TPO: variants seen among roughly 807,000 people sequenced by gnomAD.
The protein encoded by TPO is thyroid microsomal antigen.
In TPO, 78 loss-of-function variants were observed where a neutral mutation model predicts 96.9. The ratio of observed to expected loss-of-function variants is 0.81; its 90% CI spans 0.67 to 0.97. The LOEUF (loss-of-function observed/expected upper bound fraction) is 0.97, where lower values mean the gene tolerates loss of function less well. Among genes scored for constraint, TPO ranks in the 50% least tolerant of loss-of-function variants. The probability of loss-of-function intolerance (pLI) is 0.00; values close to 1 mark genes in which losing one functional copy is unlikely to be tolerated. For synonymous variants in TPO, 547 were observed against 538.0 expected (o/e 1.02, Z -0.23); for missense variants, 1,252 against 1,274.8 (o/e 0.98, Z 0.27).
At chr2:1,506,982 T>C (rs1230592006) in intron 14 of TPO, among the ~76,000 whole-genome samples, 36 of 152,186 alleles carry the variant, frequency 2.4e-4, no homozygotes, top group Non-Finnish European at 2.9e-4. Flanking sequence ...TGAATGGTAT[T>C]GCCTAGGTTT....
At chr2:1,528,899 A>C (rs1318746447) in intron 15 of TPO, among the ~76,000 whole-genome samples, 1 of 138,402 alleles carries the variant, frequency 7.2e-6, no homozygotes, top group Non-Finnish European at 1.5e-5. Context: ...CACTGTGTGC[A>C]ACCTCCTCAC....
chr2:1,512,181 C>T (rs1274990160), intron 14 of TPO, among the ~76,000 whole-genome samples: 1 of 152,076 alleles, frequency 6.6e-6, no homozygotes, highest in Non-Finnish European at 1.5e-5. Context: ...CTACAGGCGC[C>T]CGCCACCACG....
chr2:1,512,445 C>T (rs937330423), intron 14 of TPO: 5 of 985,452 alleles, frequency 5.1e-6, no homozygotes, highest in African/African-American at 3.5e-5. Context: ...CCCGGACCAG[C>T]GCCCGTGCTC....
intron 3 of TPO, among the ~76,000 whole-genome samples, chr2:1,430,638 G>A (rs973813538): frequency 9.9e-5 from 15 of 152,258 alleles, no homozygotes; most frequent in African/African-American, 3.6e-4. Context: ...CATGAGAGCA[G>A]CCAGGTGGGC....
chr2:1,439,889 A>G (rs1665972017), intron 5 of TPO, among the ~76,000 whole-genome samples: 1 of 152,082 alleles, frequency 6.6e-6, no homozygotes, highest in Non-Finnish European at 1.5e-5. Flanking sequence ...CCCCAAAGGC[A>G]TGTGTGTGTC....
chr2:1,537,406 G>A (rs1680002123), intron 15 of TPO, among the ~76,000 whole-genome samples: 1 of 128,172 alleles, frequency 7.8e-6, no homozygotes, highest in East Asian at 2.4e-4. Flanking sequence ...CCCACTGTGA[G>A]CAACCTCCCC....
rs146369419 is a variant in TPO, at chr2:1,450,226, G to A, written c.483-3468G>A. 1.2e-4 allele frequency among the ~76,000 whole-genome samples: 19 copies of A among 152,326 alleles called. No homozygotes were observed. The East Asian group carries it at 2.9e-3, about 23-fold the overall frequency. ...TCAGCGTGTCCATGTGCTGTTACTG[G>A]ATGGCCATACCTGGCAAACATATTG... On this transcript the variant is annotated intron_variant, in intron 5 of 16. Coordinates refer to ENST00000329066, the MANE Select transcript of TPO (RefSeq NM_001206744.2).
rs151268825 is a variant in TPO at position 1,414,416 on chromosome 2, C to T, written c.8C>T (p.Ala3Val). The change falls in exon 2 of 17, where the codon GCG (alanine) becomes GTG (valine). Residue 3 changes from alanine to valine, a missense_variant. Coordinates refer to ENST00000329066, the MANE Select transcript of TPO (RefSeq NM_001206744.2). Reference sequence around the variant, plus strand: ...CCTTCCGTTAATTTTAGAATGAGAGCGCTCGCTGTGCTGTCTGTCACGCTG... The same window carrying T: ...CCTTCCGTTAATTTTAGAATGAGAGTGCTCGCTGTGCTGTCTGTCACGCTG... MR[A>V]LAVLSVTLVM... 300 of 1,613,498 alleles carry T rather than the reference C, an allele frequency of 1.9e-4. No individual in the cohort carries two copies. In the African/African-American group the frequency reaches 3.1e-3, roughly 17 times the overall value.
intron 15 of TPO, among the ~76,000 whole-genome samples, chr2:1,529,437 CCCAAAT>C (rs1677482795): frequency 9.8e-6 from 1 of 101,854 alleles, no homozygotes; most frequent in Non-Finnish European, 1.8e-5. Context: ...GAGCAACCTT[CCCAAAT>C]CCCCCCACTG....
At chr2:1,507,636 C>G (rs1238001456) in intron 14 of TPO, among the ~76,000 whole-genome samples, 1 of 151,712 alleles carries the variant, frequency 6.6e-6, no homozygotes, top group Admixed American at 6.6e-5. Flanking sequence ...ATTTTATTCT[C>G]TTTGAAGCAA....
At chr2:1,475,635 G>C (rs186285383) in intron 7 of TPO, among the ~76,000 whole-genome samples, 235 of 152,252 alleles carry the variant, frequency 1.5e-3, no homozygotes, top group Non-Finnish European at 2.3e-3. Flanking sequence ...GTGTTAGCCA[G>C]GATGGTCTCG....
intron 5 of TPO, among the ~76,000 whole-genome samples, chr2:1,445,231 G>T (rs57319925): frequency 2.9e-5 from 4 of 135,670 alleles, no homozygotes; most frequent in African/African-American, 5.6e-5. Context: ...TGTTGGAAGG[G>T]AATGGGCAGG....
rs1162464738 is a variant in TPO, at chr2:1,542,615, C to T, written c.*141C>T. ...TAAATCTAGTACCATGTCGTAGTTACTCTCAGGCATGGATGAATAAATGTT... is the reference window on the plus strand; with the variant it reads ...TAAATCTAGTACCATGTCGTAGTTATTCTCAGGCATGGATGAATAAATGTT... On this transcript the variant is annotated 3_prime_UTR_variant, in exon 17 of 17. Transcript: ENST00000329066. 2 of 1,552,716 alleles carry T rather than the reference C, an allele frequency of 1.3e-6. No individual in the cohort carries two copies. The highest frequency in any genetic ancestry group is 4.9e-5 in the East Asian group (2 of 41,028).
Position 1,503,963 on chromosome 2 carries a change from C to T in TPO, c.2402C>T (p.Ala801Val), listed in dbSNP as rs1006089205. 3.1e-6 allele frequency: 5 copies of T among 1,613,982 alleles called. No homozygotes were observed. The African/African-American group carries it at 4.0e-5, about 13-fold the overall frequency. Reference protein sequence around the residue: ...PPLCKDVNECADGAHPPCHAS... With the variant: ...PPLCKDVNECVDGAHPPCHAS... ...TGTCTGGCAGATGTGAACGAGTGTG[C>T]AGACGGTGCCCACCCCCCCTGCCAC... is the stretch of plus-strand genomic sequence containing the variant. Residue 801 changes from alanine (A) to valine (V), a missense_variant, in exon 14 of 17, where the codon GCA (alanine) becomes GTA (valine). By Grantham distance (64) the Ala-to-Val change is moderately conservative (BLOSUM62 0). Transcript: ENST00000329066.
intron 15 of TPO, among the ~76,000 whole-genome samples, chr2:1,528,429 C>G (rs1454318143): frequency 6.8e-6 from 1 of 146,376 alleles, no homozygotes; most frequent in Non-Finnish European, 1.5e-5. Context: ...GCAACCTGCT[C>G]AAATCCCCCC....
At chr2:1,455,552 T>A (rs992698497) in intron 6 of TPO, among the ~76,000 whole-genome samples, 3 of 152,190 alleles carry the variant, frequency 2.0e-5, no homozygotes, top group Non-Finnish European at 2.9e-5. Flanking sequence ...GCTCTCCAGA[T>A]GCCCTGGCGG....
chr2:1,390,019 C>CTTTT (rs5828818), intron 1 of TPO, among the ~76,000 whole-genome samples: 1 of 138,056 alleles, frequency 7.2e-6, no homozygotes, highest in Non-Finnish European at 1.6e-5. Flanking sequence ...TCTTTCTTTT[C>CTTTT]TTTTTTTTTT....
intron 1 of TPO, among the ~76,000 whole-genome samples, chr2:1,382,578 G>A (rs973190995): frequency 5.9e-5 from 9 of 152,146 alleles, no homozygotes; most frequent in African/African-American, 2.2e-4. Flanking sequence ...ACCAAAACTG[G>A]TGAAGCTGAA....
At chr2:1,433,933 G>T (rs979928912) in intron 4 of TPO, among the ~76,000 whole-genome samples, 7 of 152,080 alleles carry the variant, frequency 4.6e-5, no homozygotes, top group African/African-American at 1.4e-4. Context: ...GTTAAAACTT[G>T]GCAAGCTCAT....
Sources: gnomAD v4.1 joint callset for allele counts (sites outside exome capture counted in the v4.1 genomes callset) on GRCh38, gnomAD v4.1.1 for gene constraint, MANE v1.5 for transcripts, NCBI Gene and HGNC (gene_info 2026-07-23, HGNC 2026-07-21) for gene names.